ASXL2: variants seen among roughly 807,000 people sequenced by gnomAD.
ASXL2 encodes ASXL transcriptional regulator 2, also known as putative Polycomb group protein ASXL2.
In ASXL2, 23 loss-of-function variants were observed where a neutral mutation model predicts 122.0. The ratio of observed to expected loss-of-function variants is 0.19; its 90% CI spans 0.14 to 0.27. The LOEUF is 0.27. ASXL2 is among the 10% of genes least tolerant of loss of function. The pLI, the probability that ASXL2 is intolerant of heterozygous loss-of-function variation, is 1.00. For synonymous variants in ASXL2, 650 were observed against 637.0 expected, an observed-to-expected ratio of 1.02 and a Z score of -0.31; for missense variants, 1,518 against 1,713.8, an observed-to-expected ratio of 0.89 and a Z score of 2.02.
intron 1 of ASXL2, among the ~76,000 whole-genome samples, chr2:25,847,398 A>C (rs1003812927): frequency 1.6e-4 from 24 of 152,268 alleles, no homozygotes; most frequent in African/African-American, 5.5e-4. Context: ...ATATTTTATA[A>C]ACATCCATTT....
chr2:25,801,472 C>T (rs897904947), intron 4 of ASXL2, among the ~76,000 whole-genome samples: 3 of 152,028 alleles, frequency 2.0e-5, no homozygotes, highest in Non-Finnish European at 2.9e-5. Flanking sequence ...CTCTCTGAGC[C>T]GTCTCTTATG....
chr2:25,763,266 G>A (rs1045049424), intron 8 of ASXL2, among the ~76,000 whole-genome samples: 4 of 152,088 alleles, frequency 2.6e-5, no homozygotes, highest in Admixed American at 6.6e-5. Flanking sequence ...TGAGGCGGGC[G>A]GTATCACGAG....
chr2:25,830,605 G>A (rs1174083824), intron 3 of ASXL2, among the ~76,000 whole-genome samples: 3 of 146,522 alleles, frequency 2.0e-5, no homozygotes, highest in South Asian at 2.1e-4. Flanking sequence ...CAGCCTGGGC[G>A]ACGGAGCAAG....
At chr2:25,795,839 C>G (rs1015482094) in intron 5 of ASXL2, among the ~76,000 whole-genome samples, 1 of 152,166 alleles carries the variant, frequency 6.6e-6, no homozygotes, top group Non-Finnish European at 1.5e-5. Flanking sequence ...GCCCTTTACA[C>G]TTTTGGCTTC....
At chr2:25,768,698 T>C (rs1432680755) in intron 7 of ASXL2, 44 bp downstream of exon 7, 6 of 1,591,158 alleles carry the variant, frequency 3.8e-6, no homozygotes, top group East Asian at 4.5e-5. Flanking sequence ...ATAAAAATAC[T>C]AGGAAAAAGA....
intron 1 of ASXL2, among the ~76,000 whole-genome samples, chr2:25,858,052 T>C (rs2089801658): frequency 6.6e-6 from 1 of 152,120 alleles, no homozygotes; most frequent in Non-Finnish European, 1.5e-5. Flanking sequence ...GTGCCTGGCA[T>C]ATAGTAAGTG....
chr2:25,846,769 T>C (rs1488545915), intron 1 of ASXL2, among the ~76,000 whole-genome samples: 4 of 152,232 alleles, frequency 2.6e-5, no homozygotes, highest in Non-Finnish European at 5.9e-5. Context: ...TAAGCCGAGA[T>C]TGTGCCCCTG....
At chr2:25,846,190 G>A (rs1468468885) in intron 1 of ASXL2, among the ~76,000 whole-genome samples, 1 of 152,216 alleles carries the variant, frequency 6.6e-6, no homozygotes, top group Non-Finnish European at 1.5e-5. Context: ...ACAGTAAAGA[G>A]GGCATTTCTA....
intron 1 of ASXL2, among the ~76,000 whole-genome samples, chr2:25,867,127 C>G (rs1056065199): frequency 1.3e-5 from 2 of 152,094 alleles, no homozygotes; most frequent in Admixed American, 6.5e-5. Context: ...CTCGAACTCC[C>G]AACCTCAGGT....
chr2:25,762,487 G>A lies in ASXL2; in HGVS notation c.776-2842C>T, dbSNP rs2149148859. Among the ~76,000 whole-genome samples the A allele has an allele frequency of 1.3e-5, 2 of 151,784 alleles. 1 individual carries two copies. The highest frequency in any genetic ancestry group is 4.2e-4 in the South Asian group (2 of 4,798). ...TCAGGACCAGCCTGGCCAACATGGTGAAAACCCATTTCTACTAAAAGTAAA... is the reference window on the plus strand; with the variant it reads ...TCAGGACCAGCCTGGCCAACATGGTAAAAACCCATTTCTACTAAAAGTAAA... On this transcript the variant is annotated intron_variant, in intron 8 of 12. Transcript: ENST00000435504.
At position 25,743,156 on chromosome 2, in the gene ASXL2, C is replaced by T; in HGVS notation, c.3181G>A (p.Ala1061Thr). 2 of 1,613,992 alleles carry T rather than the reference C, an allele frequency of 1.2e-6. No individual in the cohort carries two copies. Among genetic ancestry groups the T allele is most frequent in the Non-Finnish European group, 1.7e-6 (2 of 1,179,894 alleles). ...GTCTGAAGGATCTGATCTTGGGTTGCTTTACTTAGTCCTTCGTGGTATTGG... is the reference window on the plus strand; with the variant it reads ...GTCTGAAGGATCTGATCTTGGGTTGTTTTACTTAGTCCTTCGTGGTATTGG... ...THQYHEGLSK[A>T]TQDQILQTLI... is the part of the protein sequence containing the mutation. The change falls in exon 13 of 13, where the codon GCA (alanine) becomes ACA (threonine). Residue 1061 changes from alanine (A) to threonine (T), a missense_variant. Physicochemically the swap from Ala to Thr is moderately conservative, Grantham distance 58. Around this residue, in one of 8 missense-constraint regions of ASXL2, gnomAD observed 831 missense variants for 833.1 expected, o/e 1.00. Transcript: ENST00000435504.
chr2:25,844,054 T>C (rs746731368), intron 2 of ASXL2, among the ~76,000 whole-genome samples: 1 of 152,010 alleles, frequency 6.6e-6, no homozygotes, highest in Non-Finnish European at 1.5e-5. Flanking sequence ...GCCATTGTGT[T>C]CCCCTACCCC....
Position 25,878,152 on chromosome 2 carries a change from T to C in ASXL2, c.57+14A>G. On this transcript the variant is annotated intron_variant, in intron 1 of 12. Transcript: ENST00000435504. Reference sequence around the variant, plus strand: ...AAATCCTCCCGGCCTTCCCCTTCGCTCCCTCCCCCTTACCGTCTTGGCGGC... The same window carrying C: ...AAATCCTCCCGGCCTTCCCCTTCGCCCCCTCCCCCTTACCGTCTTGGCGGC... 1 of 1,613,708 alleles carries C rather than the reference T, an allele frequency of 6.2e-7. No individual in the cohort carries two copies. Among genetic ancestry groups the C allele is most frequent in the South Asian group, 1.1e-5 (1 of 91,080 alleles).
intron 1 of ASXL2, among the ~76,000 whole-genome samples, chr2:25,862,038 T>G (rs2089847039): frequency 6.6e-6 from 1 of 152,250 alleles, no homozygotes; most frequent in Admixed American, 6.5e-5. Context: ...ATATTATTCC[T>G]ATATTTAAAA....
In ASXL2 at chr2:25,806,486, A is replaced by G. The variant is rs532919838; in HGVS notation, c.144-149T>C. On this transcript the variant is annotated intron_variant, in intron 3 of 12. Transcript: ENST00000435504. ...AACTATAAGAAGTCTACCAATATAG[A>G]AAGGGGCTGCCATGGAGAAAATGGA... 6.5e-5 allele frequency: 33 copies of G among 505,432 alleles called. No individual in the cohort carries two copies. In the South Asian group the frequency reaches 1.2e-3, roughly 19 times the overall value. 31.3% of individuals were successfully genotyped at this position (505,432 alleles called of 1,614,324 possible).
chr2:25,847,502 T>C (rs1228983936), intron 1 of ASXL2, among the ~76,000 whole-genome samples: 1 of 152,180 alleles, frequency 6.6e-6, no homozygotes, highest in Non-Finnish European at 1.5e-5. Flanking sequence ...CGGCAGTCTG[T>C]TAAAAAACTA....
At chr2:25,843,814 TAAAAAAAAA>T (rs541446675) in intron 2 of ASXL2, among the ~76,000 whole-genome samples, 1 of 86,546 alleles carries the variant, frequency 1.2e-5, no homozygotes, top group African/African-American at 4.7e-5. Context: ...CTCCATCTCT[TAAAAAAAAA>T]AAAAAAAAAG....
chr2:25,846,581 G>C (rs941278173), intron 1 of ASXL2, among the ~76,000 whole-genome samples: 2 of 152,068 alleles, frequency 1.3e-5, no homozygotes, highest in Non-Finnish European at 2.9e-5. Flanking sequence ...CTGGGAGACA[G>C]AGGTTGCAGT....
At chr2:25,877,567 C>G (rs373165723) in intron 1 of ASXL2, among the ~76,000 whole-genome samples, 2 of 151,954 alleles carry the variant, frequency 1.3e-5, no homozygotes, top group African/African-American at 4.8e-5. Flanking sequence ...AAAAAAAATT[C>G]TACAAGTCCC....
Sources: gnomAD v4.1 joint callset for allele counts (sites outside exome capture counted in the v4.1 genomes callset) on GRCh38, gnomAD v4.1.1 for gene constraint, gnomAD v4.1.1 regional missense constraint, MANE v1.5 for transcripts, NCBI Gene and HGNC (gene_info 2026-07-23, HGNC 2026-07-21) for gene names.